Variants in GLRA2 observed in about 807,000 individuals in gnomAD.
GLRA2 encodes glycine receptor subunit alpha-2.
GLRA2 carries 11 observed loss-of-function variants against 31.6 expected under a neutral mutation model. That is an observed-to-expected ratio of 0.35 (90% CI 0.22 to 0.58). GLRA2 has a LOEUF of 0.58. GLRA2 is among the 20% of genes least tolerant of loss of function. The pLI, the probability that GLRA2 is intolerant of heterozygous loss-of-function variation, is 0.84. For missense variants in GLRA2, 212 were observed against 351.8 expected (o/e 0.60, Z 3.18); for synonymous variants, 132 against 134.0 (o/e 0.99, Z 0.10).
chrX:14,703,909 C>A (rs940204247), intron 8 of GLRA2, among the ~76,000 whole-genome samples: 15 of 112,039 alleles, frequency 1.3e-4, no homozygotes, highest in African/African-American at 4.5e-4. Context: ...TCCCCACTCC[C>A]TCACCACACT....
At chrX:14,510,239 G>A in the GLRA2 span, among the ~76,000 whole-genome samples, 31 of 111,871 alleles carry the variant, frequency 2.8e-4, no homozygotes, top group South Asian at 0.012. Context: ...ACTAGGAAGA[G>A]CTGTAGCGAT....
chrX:14,611,892 T>C (rs1196016429), intron 7 of GLRA2, among the ~76,000 whole-genome samples: 1 of 112,175 alleles, frequency 8.9e-6, no homozygotes, highest in Non-Finnish European at 1.9e-5. Context: ...CTGGCTTTTG[T>C]CATTAACAGT....
At chrX:14,506,311 C>CT in the GLRA2 span, among the ~76,000 whole-genome samples, 3 of 111,057 alleles carry the variant, frequency 2.7e-5, no homozygotes, top group Non-Finnish European at 5.7e-5. Flanking sequence ...ATTTGATCTA[C>CT]TTACCTCCTC....
intron 7 of GLRA2, among the ~76,000 whole-genome samples, chrX:14,643,272 CATG>C (rs1276386609): frequency 2.7e-5 from 3 of 111,863 alleles, no homozygotes; most frequent in Non-Finnish European, 5.6e-5. Flanking sequence ...AACACTCAGC[CATG>C]ATGTGTCAGA....
chrX:14,611,654 C>A (rs1345763943), intron 7 of GLRA2, among the ~76,000 whole-genome samples: 1 of 111,779 alleles, frequency 8.9e-6, no homozygotes, highest in African/African-American at 3.2e-5. Context: ...AGGTACTGAG[C>A]ATGTTTAGAG....
intron 2 of GLRA2, among the ~76,000 whole-genome samples, chrX:14,547,924 G>A (rs907530773): frequency 3.6e-5 from 4 of 111,962 alleles, no homozygotes; most frequent in Admixed American, 9.5e-5. Context: ...TCTCCAACAC[G>A]TGACAGTAGG....
chrX:14,656,671 G>A (rs182497236), intron 7 of GLRA2, among the ~76,000 whole-genome samples: 307 of 112,374 alleles, frequency 2.7e-3, no homozygotes, highest in African/African-American at 9.1e-3. Context: ...TAATAAATGT[G>A]TATGAACATC....
At chrX:14,692,124 T>C (rs984263172) in intron 8 of GLRA2, among the ~76,000 whole-genome samples, 4 of 112,328 alleles carry the variant, frequency 3.6e-5, no homozygotes, top group Non-Finnish European at 5.6e-5. Context: ...TACTCTGGGC[T>C]GGAAGAGATA....
chrX:14,717,363 T>G (rs1054067368), intron 8 of GLRA2, among the ~76,000 whole-genome samples: 1 of 106,335 alleles, frequency 9.4e-6, no homozygotes, highest in Non-Finnish European at 2.0e-5. Context: ...AAAAAAAAAG[T>G]AGATATCAAG....
the GLRA2 span, among the ~76,000 whole-genome samples, chrX:14,501,340 A>G: frequency 4.5e-5 from 5 of 112,042 alleles, no homozygotes; most frequent in Non-Finnish European, 9.4e-5. Context: ...GCATCCATAA[A>G]ATAGTCCTCA....
rs149078085 is a variant in GLRA2, at chrX:14,560,173, T to C, written c.203-14160T>C. Among the ~76,000 whole-genome samples the C allele has an allele frequency of 4.7e-3, 533 of 112,731 alleles. 2 individuals are homozygous for C. Among genetic ancestry groups the C allele is most frequent in the Non-Finnish European group, 7.9e-3 (424 of 53,352 alleles). ...TCTTTTTATTCTAAAGGAAATTTAATTTCTGTATATGTCAAGCCCATATAT... is the reference window on the plus strand; with the variant it reads ...TCTTTTTATTCTAAAGGAAATTTAACTTCTGTATATGTCAAGCCCATATAT... On this transcript the variant is annotated intron_variant, in intron 2 of 8. Transcript: ENST00000218075.
the GLRA2 span, among the ~76,000 whole-genome samples, chrX:14,499,019 G>A: frequency 8.9e-6 from 1 of 111,971 alleles, no homozygotes; most frequent in South Asian, 3.7e-4. Flanking sequence ...CCATTAATAG[G>A]TACTTAGATA....
At chrX:14,570,935 A>G (rs1225415867) in intron 2 of GLRA2, among the ~76,000 whole-genome samples, 1 of 111,245 alleles carries the variant, frequency 9.0e-6, no homozygotes. Context: ...AAAGTATGCC[A>G]GATCTATATC....
At chrX:14,457,362 C>G in the GLRA2 span, among the ~76,000 whole-genome samples, 13 of 109,627 alleles carry the variant, frequency 1.2e-4, no homozygotes, top group Non-Finnish European at 2.3e-4. Flanking sequence ...CCCCCCACCC[C>G]CCACGGGCCC....
At chrX:14,535,365 G>T (rs1208285092) in intron 2 of GLRA2, among the ~76,000 whole-genome samples, 1 of 111,880 alleles carries the variant, frequency 8.9e-6, no homozygotes, top group Non-Finnish European at 1.9e-5. Context: ...TTCCTGATGG[G>T]CTTTGAAAGA....
chrX:14,490,775 A>G, the GLRA2 span, among the ~76,000 whole-genome samples: 1 of 111,865 alleles, frequency 8.9e-6, no homozygotes, highest in Admixed American at 9.5e-5. Context: ...GATTGAAGAG[A>G]AGTAGAAGGA....
chrX:14,489,911 CT>C, the GLRA2 span, among the ~76,000 whole-genome samples: 845 of 106,606 alleles, frequency 7.9e-3, 3 homozygotes, highest in Middle Eastern at 0.014. Context: ...TATTTTTTTT[CT>C]TTTTTTTTTG....
Position 14,731,761 on chromosome X carries a change from G to GTTAT in GLRA2, c.*1279_*1282dup, listed in dbSNP as rs1467146648. Reference sequence around the variant, plus strand: ...AAATTTTACATGTGCTGTACAAGGGGTTATTTTAAAAAGCATTTGTTCAAT... The same window carrying GTTAT: ...AAATTTTACATGTGCTGTACAAGGGGTTATTTATTTTAAAAAGCATTTGTTCAAT... On this transcript the variant is annotated 3_prime_UTR_variant, in exon 9 of 9. Transcript: ENST00000218075. The GTTAT allele has an allele frequency of 3.6e-5, 4 of 111,798 alleles. No homozygotes were observed. Among genetic ancestry groups the GTTAT allele is most frequent in the Admixed American group, 9.5e-5 (1 of 10,492 alleles). 9.2% of individuals were successfully genotyped at this position (111,798 alleles called of 1,213,427 possible).
At chrX:14,590,488 AT>A (rs1267426570) in intron 4 of GLRA2, among the ~76,000 whole-genome samples, 3 of 112,025 alleles carry the variant, frequency 2.7e-5, no homozygotes, top group East Asian at 2.8e-4. Context: ...TTAGTTATAT[AT>A]TTTTTTATGG....
Sources: gnomAD v4.1 joint callset for allele counts (sites outside exome capture counted in the v4.1 genomes callset) on GRCh38, gnomAD v4.1.1 for gene constraint, MANE v1.5 for transcripts, NCBI Gene and HGNC (gene_info 2026-07-23, HGNC 2026-07-21) for gene names.